Variants in DCC observed in about 807,000 individuals in gnomAD.
DCC encodes netrin receptor DCC.
DCC carries 58 observed loss-of-function variants against 172.5 expected under a neutral mutation model. The ratio of observed to expected loss-of-function variants is 0.34; its 90% CI spans 0.27 to 0.42. The LOEUF (loss-of-function observed/expected upper bound fraction) is 0.42, where lower values mean the gene tolerates loss of function less well. Ranked by LOEUF, DCC falls within the 10% of genes least tolerant of loss-of-function variation. The probability of loss-of-function intolerance (pLI) is 1.00; values close to 1 mark genes in which losing one functional copy is unlikely to be tolerated. For missense variants in DCC, 1,740 were observed against 1,791.0 expected (o/e 0.97, Z 0.51); for synonymous variants, 709 against 644.5 (o/e 1.10, Z -1.52).
intron 2 of DCC, among the ~76,000 whole-genome samples, chr18:52,815,434 ACACG>A (rs1243320041): frequency 1.5e-5 from 2 of 137,266 alleles, no homozygotes; most frequent in South Asian, 2.3e-4. Context: ...ACACACACAC[ACACG>A]TTCTCTCTCC....
intron 5 of DCC, among the ~76,000 whole-genome samples, chr18:52,997,821 T>C (rs2041506404): frequency 1.3e-5 from 2 of 152,058 alleles, no homozygotes; most frequent in South Asian, 4.1e-4. Flanking sequence ...CATTTGCTCC[T>C]GTGTGTCTTT....
intron 1 of DCC, among the ~76,000 whole-genome samples, chr18:52,448,671 G>A (rs1988205242): frequency 1.3e-5 from 2 of 152,126 alleles, no homozygotes; most frequent in South Asian, 4.1e-4. Flanking sequence ...TGAGATCCAA[G>A]TGCTCAGATC....
At chr18:52,797,848 G>A (rs2037906035) in intron 2 of DCC, among the ~76,000 whole-genome samples, 1 of 152,198 alleles carries the variant, frequency 6.6e-6, no homozygotes, top group South Asian at 2.1e-4. Flanking sequence ...TCACATGCAG[G>A]TGGCAGTGGC....
At chr18:53,479,242 T>C (rs2045803538) in intron 25 of DCC, among the ~76,000 whole-genome samples, 1 of 152,236 alleles carries the variant, frequency 6.6e-6, no homozygotes, top group Non-Finnish European at 1.5e-5. Flanking sequence ...GATCAATTCA[T>C]TATCAATATC....
intron 1 of DCC, among the ~76,000 whole-genome samples, chr18:52,421,858 C>T (rs952975128): frequency 4.6e-5 from 7 of 152,210 alleles, no homozygotes; most frequent in East Asian, 3.9e-4. Context: ...TAGCACTTAC[C>T]GGCCCAATGG....
At chr18:52,581,210 A>ATCTATCTATCTATCTATCTATCTATCT (rs2033543078) in intron 1 of DCC, among the ~76,000 whole-genome samples, 1 of 3,756 alleles carries the variant, frequency 2.7e-4, no homozygotes. Flanking sequence ...TATCTATCTA[A>ATCTATCTATCTATCTATCTATCTATCT]ATTTGTAGTT....
At chr18:53,428,478 T>TATATGTAATATATGTAATATATAATATA (rs1568126141) in intron 21 of DCC, among the ~76,000 whole-genome samples, 7 of 39,210 alleles carry the variant, frequency 1.8e-4, no homozygotes, top group Non-Finnish European at 3.7e-4. Flanking sequence ...TAATATATAA[T>TATATGTAATATATGTAATATATAATATA]ATATATTTTT....
At position 53,145,175 on chromosome 18, in the gene DCC, C is replaced by T. The variant is rs182020229; in HGVS notation, c.1262-12181C>T. ...TGTTGCCCAGGCTGGAGTGCAGTGGCGCGATCTCGGCTCACTGCAAGCTCC... is the reference window on the plus strand; with the variant it reads ...TGTTGCCCAGGCTGGAGTGCAGTGGTGCGATCTCGGCTCACTGCAAGCTCC... On this transcript the variant is annotated intron_variant, in intron 7 of 28. Transcript: ENST00000442544. Among the ~76,000 whole-genome samples the T allele has an allele frequency of 7.8e-3, 947 of 121,332 alleles. 15 individuals carry two copies. Among genetic ancestry groups the T allele is most frequent in the African/African-American group, 0.027 (876 of 32,922 alleles). The allele number at this position is 121,332 out of a possible 152,430, so 79.6% of individuals were successfully genotyped here. A position where few individuals can be genotyped will look rare whatever the true frequency, so the allele number is the denominator to read the frequency against.
At chr18:53,009,316 T>TA (rs1048474960) in intron 5 of DCC, among the ~76,000 whole-genome samples, 3 of 151,960 alleles carry the variant, frequency 2.0e-5, no homozygotes, top group African/African-American at 4.8e-5. Context: ...TATAACATAA[T>TA]AAAAATCAGG....
chr18:52,716,649 G>T lies in DCC; in HGVS notation c.92-35405G>T, dbSNP rs1047073878. Among the ~76,000 whole-genome samples, 6 of 152,308 alleles carry T rather than the reference G, an allele frequency of 3.9e-5. No individual in the cohort carries two copies. In the South Asian group the frequency reaches 1.2e-3, roughly 32 times the overall value. ...GGCTGTCAAGAAAAGGCTTCACCTGGAAGAGGGATGAAGATAGGATTTTAT... is the reference window on the plus strand; with the variant it reads ...GGCTGTCAAGAAAAGGCTTCACCTGTAAGAGGGATGAAGATAGGATTTTAT... On this transcript the variant is annotated intron_variant, in intron 1 of 28. Transcript: ENST00000442544.
chr18:52,717,414 G>C (rs1872682079), intron 1 of DCC, among the ~76,000 whole-genome samples: 1 of 141,676 alleles, frequency 7.1e-6, no homozygotes. Context: ...TCTAAATTAA[G>C]AGAATTTCTA....
intron 1 of DCC, among the ~76,000 whole-genome samples, chr18:52,673,069 A>C (rs2035582658): frequency 6.6e-6 from 1 of 152,196 alleles, no homozygotes. Context: ...TCTCTTAAAA[A>C]ATATAATAAT....
intron 7 of DCC, among the ~76,000 whole-genome samples, chr18:53,134,433 G>A (rs2043706276): frequency 6.6e-6 from 1 of 152,072 alleles, no homozygotes; most frequent in South Asian, 2.1e-4. Context: ...TTATATATAA[G>A]CATATATAAA....
intron 12 of DCC, among the ~76,000 whole-genome samples, chr18:53,252,395 G>T (rs1478841091): frequency 6.6e-6 from 1 of 151,886 alleles, no homozygotes; most frequent in African/African-American, 2.4e-5. Flanking sequence ...GGGGGTTTAG[G>T]TGGTTCATGT....
intron 27 of DCC, among the ~76,000 whole-genome samples, chr18:53,507,003 T>C (rs2046188022): frequency 6.6e-6 from 1 of 152,212 alleles, no homozygotes; most frequent in African/African-American, 2.4e-5. Flanking sequence ...CAGATGGTCT[T>C]TCCTCTTTAA....
chr18:53,417,771 C>T (rs1910404145), intron 21 of DCC, among the ~76,000 whole-genome samples: 1 of 152,080 alleles, frequency 6.6e-6, no homozygotes, highest in African/African-American at 2.4e-5. Flanking sequence ...AAATGGCTTT[C>T]CACTTCTCTC....
chr18:53,527,289 G>A (rs185989756), intron 28 of DCC, among the ~76,000 whole-genome samples: 37 of 151,042 alleles, frequency 2.4e-4, no homozygotes, highest in Admixed American at 2.2e-3. Context: ...CACAATCATA[G>A]TGCACTACAG....
intron 1 of DCC, among the ~76,000 whole-genome samples, chr18:52,540,577 C>A (rs79824637): frequency 1.5e-5 from 2 of 136,700 alleles, no homozygotes; most frequent in Admixed American, 7.6e-5. Flanking sequence ...TATTCACTAC[C>A]GTTAGGTGTA....
chr18:52,768,847 T>A (rs887418847), intron 2 of DCC, among the ~76,000 whole-genome samples: 1 of 152,172 alleles, frequency 6.6e-6, no homozygotes, highest in Non-Finnish European at 1.5e-5. Context: ...AGAATTAGTT[T>A]TTAGAAAGTT....
Sources: gnomAD v4.1 joint callset for allele counts (sites outside exome capture counted in the v4.1 genomes callset) on GRCh38, gnomAD v4.1.1 for gene constraint, MANE v1.5 for transcripts, NCBI Gene and HGNC (gene_info 2026-07-23, HGNC 2026-07-21) for gene names.